The following EPSTI1 variants were observed in gnomAD, a reference collection of about 807,000 sequenced individuals.
EPSTI1 encodes the protein epithelial stromal interaction 1, also known as epithelial-stromal interaction protein 1.
Under a neutral mutation model 49.9 loss-of-function variants are expected in EPSTI1, and 66 were observed. The observed-to-expected ratio is 1.32, with a 90% CI of 1.08 to 1.62. The LOEUF (loss-of-function observed/expected upper bound fraction) is 1.62. Ranked by LOEUF, EPSTI1 falls within the 40% of genes most tolerant of loss-of-function variation. The pLI, the probability that EPSTI1 is intolerant of heterozygous loss-of-function variation, is 0.00. For missense variants in EPSTI1, 394 were observed against 365.5 expected, an observed-to-expected ratio of 1.08 and a Z score of -0.64; for synonymous variants, 137 against 130.7, an observed-to-expected ratio of 1.05 and a Z score of -0.33.
At position 42,887,399 on chromosome 13, in the gene EPSTI1, T is replaced by G. The variant is rs1432885720; in HGVS notation, c.*1095A>C. 5.3e-5 allele frequency: 8 copies of G among 152,256 alleles called. No homozygotes were observed. Among genetic ancestry groups the G allele is most frequent in the Non-Finnish European group, 2.9e-5 (2 of 68,016 alleles). 9.4% of individuals were successfully genotyped at this position (152,256 alleles called of 1,614,324 possible). A position where few individuals can be genotyped will look rare whatever the true frequency, so the allele number is the denominator to read the frequency against. On this transcript the variant is annotated 3_prime_UTR_variant, in exon 11 of 11. Coordinates refer to ENST00000313624, the MANE Select transcript of EPSTI1 (RefSeq NM_033255.5). ...CCCCATGTTTTCCTGAATAAAGAGA[T>G]TCGGAAAGTTCATTTCAACAGAGTG...
chr13:42,896,966 G>A (rs9567062), intron 9 of EPSTI1, among the ~76,000 whole-genome samples: 10 of 151,820 alleles, frequency 6.6e-5, no homozygotes, highest in African/African-American at 2.2e-4. Context: ...CCGGCATGGT[G>A]GTGGGCACCT....
At chr13:42,939,315 T>C (rs76455528) in intron 6 of EPSTI1, among the ~76,000 whole-genome samples, 5,753 of 152,334 alleles carry the variant, frequency 0.038, 303 homozygotes, top group African/African-American at 0.11. Context: ...AGAACTTTTC[T>C]TTTGCTTCAC....
intron 6 of EPSTI1, among the ~76,000 whole-genome samples, chr13:42,952,019 G>T (rs1566150243): frequency 1.3e-5 from 2 of 152,204 alleles, no homozygotes; most frequent in South Asian, 4.1e-4. Flanking sequence ...CTAGCAAGAG[G>T]TTTGTAAAAT....
chr13:42,947,332 T>C (rs1001174047), intron 6 of EPSTI1, among the ~76,000 whole-genome samples: 3 of 152,016 alleles, frequency 2.0e-5, no homozygotes, highest in Admixed American at 6.6e-5. Flanking sequence ...TTGCCAACCA[T>C]GTATACAGTA....
rs747756495 is a variant in EPSTI1 at position 42,969,141 on chromosome 13, T to A, written c.284A>T (p.Lys95Met). The change falls in exon 3 of 11, where the codon AAG (lysine) becomes ATG (methionine). Residue 95 changes from lysine to methionine, a missense_variant. Lys to Met is a moderately conservative substitution (Grantham distance 95). Transcript: ENST00000313624. Reference sequence around the variant, plus strand: ...AACCGGTTTAGCTCTGTTCTGCTCCTTCCACTTCTCCAGGTTGGCCAGCTC... The same window carrying A: ...AACCGGTTTAGCTCTGTTCTGCTCCATCCACTTCTCCAGGTTGGCCAGCTC... ...EQELANLEKW[K>M]EQNRAKPVHL... The A allele has an allele frequency of 6.2e-7, 1 of 1,614,122 alleles. No individual in the cohort carries two copies. Among genetic ancestry groups the A allele is most frequent in the East Asian group, 2.2e-5 (1 of 44,878 alleles).
At chr13:42,889,335 T>C in intron 10 of EPSTI1, 1 of 782,958 alleles carries the variant, frequency 1.3e-6, no homozygotes, top group Middle Eastern at 3.9e-4. Flanking sequence ...CTGATTTAAA[T>C]TAACAATGAT....
At chr13:42,894,315 T>A (rs1008394581) in intron 10 of EPSTI1, among the ~76,000 whole-genome samples, 2 of 151,802 alleles carry the variant, frequency 1.3e-5, no homozygotes, top group Admixed American at 6.6e-5. Context: ...AGGGAGTGAG[T>A]GAGAGAGAGA....
At chr13:42,898,871 A>G (rs2037272470) in intron 9 of EPSTI1, among the ~76,000 whole-genome samples, 1 of 152,194 alleles carries the variant, frequency 6.6e-6, no homozygotes, top group African/African-American at 2.4e-5. Flanking sequence ...TTATAAATAC[A>G]ATATCAAGTG....
chr13:42,978,075 C>A (rs9533331), intron 1 of EPSTI1, among the ~76,000 whole-genome samples: 14,167 of 151,884 alleles, frequency 0.093, 806 homozygotes, highest in South Asian at 0.2. Flanking sequence ...ATGGCGTGAA[C>A]CCGGGAGGCG....
intron 4 of EPSTI1, 41 bp from the exon 5 acceptor site, chr13:42,963,379 A>G: frequency 5.3e-6 from 8 of 1,514,288 alleles, no homozygotes; most frequent in South Asian, 1.2e-5. Flanking sequence ...AACAGTTACC[A>G]TTTTTCAGTC....
At chr13:42,916,893 T>C (rs1253259416) in intron 8 of EPSTI1, among the ~76,000 whole-genome samples, 1 of 152,208 alleles carries the variant, frequency 6.6e-6, no homozygotes, top group African/African-American at 2.4e-5. Context: ...GCTGAGCAGC[T>C]TCTGGCCTAT....
At chr13:42,936,572 G>A (rs753861311) in intron 6 of EPSTI1, among the ~76,000 whole-genome samples, 27 of 152,066 alleles carry the variant, frequency 1.8e-4, no homozygotes, top group Non-Finnish European at 2.9e-5. Flanking sequence ...ATGTCCTTTC[G>A]TATCTACCCG....
chr13:42,936,069 A>C (rs1594680956), intron 6 of EPSTI1, among the ~76,000 whole-genome samples: 1 of 152,180 alleles, frequency 6.6e-6, no homozygotes, highest in African/African-American at 2.4e-5. Context: ...TGCTTCCTCA[A>C]TTATAAAAGG....
Position 42,917,610 on chromosome 13 carries a change from A to C in EPSTI1, c.672T>G (p.Ala224=). Residue 224 remains alanine (A), a synonymous_variant, in exon 8 of 11, where the codon GCT becomes GCG. Transcript: ENST00000313624. ...PQSSTWARSW[A]YRDSLKAEEN... ...CTTCTGCCTTTAGAGAATCTCTGTA[A>C]GCCCAGCTTCTGGCCTGTAAAGGTA... The C allele has an allele frequency of 1.0e-6, 1 of 965,770 alleles. No individual in the cohort carries two copies. The highest frequency in any genetic ancestry group is 1.6e-5 in the African/African-American group (1 of 61,358). The allele number at this position is 965,770 out of a possible 1,614,324, so 59.8% of individuals were successfully genotyped here. A position where few individuals can be genotyped will look rare whatever the true frequency, so the allele number is the denominator to read the frequency against.
chr13:42,926,049 T>TAGGA (rs2038164737), intron 7 of EPSTI1, among the ~76,000 whole-genome samples: 1 of 12,240 alleles, frequency 8.2e-5, no homozygotes, highest in African/African-American at 3.2e-4. Context: ...GGAAGGAAGG[T>TAGGA]AGGAAGGATG....
rs1343481138 is a variant in EPSTI1, at chr13:42,926,006, A to AGGATGGAT, written c.657+322_657+329dup. Among the ~76,000 whole-genome samples the AGGATGGAT allele has an allele frequency of 2.0e-5, 3 of 151,520 alleles. No individual in the cohort carries two copies. In the East Asian group the frequency reaches 5.8e-4, roughly 29 times the overall value. The stretch of plus-strand genomic sequence containing the variant: ...CCTATGAATTTAAAGAATGGAAGGA[A>AGGATGGAT]GGATGGATGGATGCATGGATGGAAG... On this transcript the variant is annotated intron_variant, in intron 7 of 10. Coordinates refer to ENST00000313624, the MANE Select transcript of EPSTI1 (RefSeq NM_033255.5).
At chr13:42,889,796 ATC>A (rs991598735) in intron 10 of EPSTI1, among the ~76,000 whole-genome samples, 6 of 152,152 alleles carry the variant, frequency 3.9e-5, no homozygotes, top group Non-Finnish European at 7.4e-5. Context: ...AGATATAGTT[ATC>A]TTTTTTGTTA....
At chr13:42,897,368 T>C (rs1384545936) in intron 9 of EPSTI1, among the ~76,000 whole-genome samples, 1 of 152,218 alleles carries the variant, frequency 6.6e-6, no homozygotes, top group Non-Finnish European at 1.5e-5. Context: ...GAAATAACAG[T>C]GCCTTTGATT....
intron 1 of EPSTI1, among the ~76,000 whole-genome samples, chr13:42,987,562 T>C (rs139896569): frequency 1.3e-3 from 183 of 144,482 alleles, no homozygotes; most frequent in Non-Finnish European, 2.1e-3. Flanking sequence ...TCTTAAAACA[T>C]TGAGGTTTTT....
Sources: allele counts gnomAD v4.1 joint callset (sites outside exome capture counted in the v4.1 genomes callset), GRCh38; gene constraint gnomAD v4.1.1; transcripts MANE v1.5; gene names NCBI Gene and HGNC (gene_info 2026-07-23, HGNC 2026-07-21).